BOP1: variants seen among roughly 807,000 people sequenced by gnomAD.
BOP1 encodes the protein ribosome biogenesis protein BOP1.
BOP1 carries 54 observed loss-of-function variants against 82.9 expected under a neutral mutation model. The ratio of observed to expected loss-of-function variants is 0.65; its 90% CI spans 0.52 to 0.82. BOP1 has a LOEUF of 0.82. BOP1 is among the 40% of genes least tolerant of loss of function. The pLI, the probability that BOP1 is intolerant of heterozygous loss-of-function variation, is 0.00. For synonymous variants in BOP1, 566 were observed against 451.1 expected (o/e 1.25, Z -3.23); for missense variants, 1,170 against 1,072.0 (o/e 1.09, Z -1.28).
chr8:144,275,750 A>G (rs1845559440), intron 3 of BOP1, among the ~76,000 whole-genome samples: 2 of 152,132 alleles, frequency 1.3e-5, no homozygotes, highest in East Asian at 3.9e-4. Flanking sequence ...ACATCAGGAC[A>G]TTAGGAGGTG....
Position 144,266,676 on chromosome 8 carries a change from G to A in BOP1, c.391-1605C>T, listed in dbSNP as rs1213787444. Reference sequence around the variant, plus strand: ...GCTACCTGTACCCCGAGGTGAGCCCGCTGTCGGAGGACGAGGACCGCGGCA... The same window carrying A: ...GCTACCTGTACCCCGAGGTGAGCCCACTGTCGGAGGACGAGGACCGCGGCA... On this transcript the variant is annotated intron_variant, in intron 3 of 15. Coordinates refer to ENST00000569669, the MANE Select transcript of BOP1 (RefSeq NM_015201.5). 14 of 1,258,276 alleles carry A rather than the reference G, an allele frequency of 1.1e-5. No homozygotes were observed. The East Asian group carries it at 4.2e-4, about 38-fold the overall frequency. 77.9% of individuals were successfully genotyped at this position (1,258,276 alleles called of 1,614,324 possible).
chr8:144,268,445 A>G (rs1741811065), intron 3 of BOP1: 1 of 545,660 alleles, frequency 1.8e-6, no homozygotes, highest in East Asian at 3.1e-5. Flanking sequence ...AAGTCTGAAA[A>G]TTTTGTATAA....
chr8:144,263,946 C>CTGTGCCACCCCCCTGG (rs1491173590), intron 8 of BOP1, 35 bp from the exon 9 acceptor site: 20 of 1,611,298 alleles, frequency 1.2e-5, no homozygotes, highest in Non-Finnish European at 1.6e-5. Context: ...GCCTTGCCCC[C>CTGTGCCACCCCCCTGG]TGTGCCACCC....
intron 2 of BOP1, among the ~76,000 whole-genome samples, chr8:144,286,849 C>T (rs1554839533): frequency 6.6e-6 from 1 of 152,184 alleles, no homozygotes; most frequent in African/African-American, 2.4e-5. Flanking sequence ...TCACAGAAAC[C>T]CGAGCAGGGC....
At chr8:144,275,964 G>C (rs1845562455) in intron 3 of BOP1, among the ~76,000 whole-genome samples, 1 of 152,018 alleles carries the variant, frequency 6.6e-6, no homozygotes, top group South Asian at 2.1e-4. Context: ...CCAGACACAG[G>C]GGCATGGAGC....
chr8:144,277,351 G>T (rs1845583257), intron 2 of BOP1, among the ~76,000 whole-genome samples: 1 of 152,228 alleles, frequency 6.6e-6, no homozygotes, highest in African/African-American at 2.4e-5. Context: ...TCTTGCCCCT[G>T]CCTGGAGCAC....
intron 2 of BOP1, chr8:144,281,779 T>G (rs1469187087): frequency 2.6e-5 from 4 of 152,314 alleles, no homozygotes; most frequent in South Asian, 2.1e-4. Flanking sequence ...CACATGAGGT[T>G]TCACCATGTT....
chr8:144,279,687 G>A lies in BOP1; in HGVS notation c.310-3383C>T, dbSNP rs1296136203. 3.3e-5 allele frequency among the ~76,000 whole-genome samples: 5 copies of A among 152,140 alleles called. 1 individual carries two copies. Among genetic ancestry groups the A allele is most frequent in the South Asian group, 4.1e-4 (2 of 4,822 alleles). On this transcript the variant is annotated intron_variant, in intron 2 of 15. Transcript: ENST00000569669. Reference sequence around the variant, plus strand: ...AGACAGAGTCTATGTCCCCCCCGCCGCAAATCTGGGTGGGCTTGTGGCTGC... The same window carrying A: ...AGACAGAGTCTATGTCCCCCCCGCCACAAATCTGGGTGGGCTTGTGGCTGC...
Position 144,262,107 on chromosome 8 carries a change from G to A in BOP1, c.*57C>T. 1 of 1,608,556 alleles carries A rather than the reference G, an allele frequency of 6.2e-7. No homozygotes were observed. Among genetic ancestry groups the A allele is most frequent in the South Asian group, 1.1e-5 (1 of 90,864 alleles). On this transcript the variant is annotated 3_prime_UTR_variant, in exon 16 of 16. Coordinates refer to ENST00000569669, the MANE Select transcript of BOP1 (RefSeq NM_015201.5). ...GAAGGTGGGAGCACCAGGCAGCACAGGGTAAAGGCTCTGTTGACTTCAGCA... is the reference window on the plus strand; with the variant it reads ...GAAGGTGGGAGCACCAGGCAGCACAAGGTAAAGGCTCTGTTGACTTCAGCA...
chr8:144,267,429 G>A (rs1441972005), intron 3 of BOP1, among the ~76,000 whole-genome samples: 1 of 152,220 alleles, frequency 6.6e-6, no homozygotes, highest in Non-Finnish European at 1.5e-5. Flanking sequence ...GTAAGAGCTA[G>A]GGATGGCCAA....
chr8:144,289,283 G>A lies in BOP1; in HGVS notation c.121C>T (p.Pro41Ser), dbSNP rs781804928. Residue 41 changes from proline to serine, a missense_variant, in exon 2 of 16, where the codon CCT becomes TCT. Coordinates refer to ENST00000569669, the MANE Select transcript of BOP1 (RefSeq NM_015201.5). ...TCGCTGCCGGTGCTGTGGCTGAGAG[G>A]AGAGGTGCAGAGGAGGGGGGGCTGC... ...EPEPPLLCTSPLSHSTGSDSG... is the reference protein window; with the variant it reads ...EPEPPLLCTSSLSHSTGSDSG... 5.0e-6 allele frequency: 8 copies of A among 1,613,896 alleles called. No individual in the cohort carries two copies. Among genetic ancestry groups the A allele is most frequent in the African/African-American group, 1.3e-5 (1 of 74,906 alleles).
At chr8:144,265,118 C>A (rs1485404333) in intron 3 of BOP1, 47 bp from the exon 4 acceptor site, 33 of 1,581,266 alleles carry the variant, frequency 2.1e-5, no homozygotes, top group Non-Finnish European at 2.7e-5. Context: ...ACAAGGCCCA[C>A]CCCCGCTTCG....
chr8:144,264,308 G>A lies in BOP1; in HGVS notation c.895C>T (p.His299Tyr). 6.2e-7 allele frequency: 1 copy of A among 1,610,664 alleles called. No individual in the cohort carries two copies. Among genetic ancestry groups the A allele is most frequent in the Non-Finnish European group, 8.5e-7 (1 of 1,179,550 alleles). ...AGGGCCAGCTTGGGAGCAGGTACGT[G>A]CATCTTGTGGCGCCCGAGCACGGCG... The part of the protein sequence containing the change: ...PNAVLGRHKM[H>Y]VPAPKLALPG... The change falls in exon 7 of 16, where the codon CAC (histidine) becomes TAC (tyrosine). Residue 299 changes from histidine (H) to tyrosine (Y), a missense_variant. Physicochemically the swap from His to Tyr is moderately conservative, Grantham distance 83. Coordinates refer to ENST00000569669, the MANE Select transcript of BOP1 (RefSeq NM_015201.5).
Position 144,264,334 on chromosome 8 carries a change from T to G in BOP1, c.869A>C (p.Asn290Thr). The G allele has an allele frequency of 1.2e-6, 2 of 1,609,166 alleles. No individual in the cohort carries two copies. Among genetic ancestry groups the G allele is most frequent in the Non-Finnish European group, 1.7e-6 (2 of 1,179,656 alleles). ...FYDLWAQEDP[N>T]AVLGRHKMHV... The stretch of plus-strand genomic sequence containing the variant: ...CATCTTGTGGCGCCCGAGCACGGCG[T>G]TGGGGTCCTCCTGGGCCCACAGGTC... Residue 290 changes from asparagine to threonine, a missense_variant, in exon 7 of 16, where the codon AAC becomes ACC. Physicochemically the swap from Asn to Thr is moderately conservative, Grantham distance 65 (BLOSUM62 0). Transcript: ENST00000569669.
chr8:144,274,652 G>A (rs1003261032), intron 3 of BOP1, among the ~76,000 whole-genome samples: 1 of 152,176 alleles, frequency 6.6e-6, no homozygotes, highest in Non-Finnish European at 1.5e-5. Flanking sequence ...ACCAACATAT[G>A]GGATAGTCAT....
chr8:144,264,950 TG>T lies in BOP1; in HGVS notation c.511del (p.Gln171SerfsTer19), dbSNP rs1185517319. ...KPLRTRDELD[Q>X]FLDKMDDPDY... Reference sequence around the variant, plus strand: ...AGGATCGTCCATCTTGTCCAGGAACTGGTCCAGCTCATCCCGGGTCCGCAGG... The same window carrying T: ...AGGATCGTCCATCTTGTCCAGGAACTGTCCAGCTCATCCCGGGTCCGCAGG... On this transcript the variant is annotated frameshift_variant, in exon 4 of 16. Transcript: ENST00000569669. LOFTEE classifies it high-confidence loss of function. 6.2e-7 allele frequency: 1 copy of T among 1,602,042 alleles called. No homozygotes were observed. Among genetic ancestry groups the T allele is most frequent in the Middle Eastern group, 1.7e-4 (1 of 5,852 alleles).
In BOP1 at chr8:144,268,485, G is replaced by A. The variant is rs975791429; in HGVS notation, c.391-3414C>T. On this transcript the variant is annotated intron_variant, in intron 3 of 15. Transcript: ENST00000569669. The stretch of plus-strand genomic sequence containing the variant: ...AAACAAAACAGTATCTTCCAAATAT[G>A]GAGGCCAACTGTCCTCATGAAAGGT... 4 of 427,364 alleles carry A rather than the reference G, an allele frequency of 9.4e-6. No homozygotes were observed. In the Admixed American group the frequency reaches 1.2e-4, roughly 13 times the overall value. 26.5% of individuals were successfully genotyped at this position (427,364 alleles called of 1,614,324 possible).
chr8:144,284,812 T>C (rs543400438), intron 2 of BOP1, among the ~76,000 whole-genome samples: 14 of 152,294 alleles, frequency 9.2e-5, no homozygotes, highest in African/African-American at 3.1e-4. Flanking sequence ...TGCATGTCAA[T>C]GCTAAAGGCC....
chr8:144,266,671 AG>A, intron 3 of BOP1: 1 of 1,256,370 alleles, frequency 8.0e-7, no homozygotes, highest in Non-Finnish European at 1.0e-6. Flanking sequence ...CCCCGAGGTG[AG>A]CCCGCTGTCG....
Sources: allele counts gnomAD v4.1 joint callset (sites outside exome capture counted in the v4.1 genomes callset), GRCh38; gene constraint gnomAD v4.1.1; transcripts MANE v1.5; gene names NCBI Gene and HGNC (gene_info 2026-07-23, HGNC 2026-07-21).